SPAG16: variants seen among roughly 807,000 people sequenced by gnomAD.
The protein encoded by SPAG16 is sperm-associated antigen 16 protein.
In SPAG16, 86 loss-of-function variants were observed where a neutral mutation model predicts 80.4. The observed-to-expected ratio is 1.07, with a 90% CI of 0.90 to 1.28. SPAG16 has a LOEUF of 1.28. SPAG16 is among the 50% of genes most tolerant of loss of function. SPAG16 has a pLI of 0.00. For synonymous variants in SPAG16, 294 were observed against 265.9 expected, an observed-to-expected ratio of 1.11 and a Z score of -1.03; for missense variants, 870 against 765.3, an observed-to-expected ratio of 1.14 and a Z score of -1.61.
intron 9 of SPAG16, among the ~76,000 whole-genome samples, chr2:213,437,463 ATCC>A (rs1308942217): frequency 2.0e-5 from 3 of 152,208 alleles, no homozygotes; most frequent in Non-Finnish European, 2.9e-5. Context: ...TACTAATAAA[ATCC>A]TCCTGCATTT....
At chr2:214,285,119 T>A (rs934708218) in intron 15 of SPAG16, among the ~76,000 whole-genome samples, 1 of 152,178 alleles carries the variant, frequency 6.6e-6, no homozygotes, top group African/African-American at 2.4e-5. Context: ...TCTTTCCTCA[T>A]ATTCTTGCCA....
intron 10 of SPAG16, among the ~76,000 whole-genome samples, chr2:213,745,335 C>T (rs550258689): frequency 1.3e-5 from 2 of 152,166 alleles, no homozygotes; most frequent in East Asian, 1.9e-4. Context: ...CTCTGCCTCC[C>T]GGGTTCAAGC....
At chr2:214,238,077 G>T in intron 15 of SPAG16, 2 of 304,042 alleles carry the variant, frequency 6.6e-6, no homozygotes, top group South Asian at 5.6e-5. Flanking sequence ...TTAGCATCAA[G>T]AATATTTTTT....
intron 11 of SPAG16, among the ~76,000 whole-genome samples, chr2:213,898,314 TCTTATTTACTTAATCTTGTAAAA>T (rs1366501745): frequency 1.3e-5 from 2 of 152,184 alleles, no homozygotes; most frequent in Admixed American, 6.6e-5. Flanking sequence ...ACCTAAAATA[TCTTATTTACTTAATCTTGTAAAA>T]CTTTGGGTAA....
At chr2:213,712,254 CT>C (rs1191425568) in intron 10 of SPAG16, among the ~76,000 whole-genome samples, 13 of 152,248 alleles carry the variant, frequency 8.5e-5, no homozygotes, top group African/African-American at 3.1e-4. Flanking sequence ...TGCATTTTCA[CT>C]CATTTATTAT....
intron 15 of SPAG16, among the ~76,000 whole-genome samples, chr2:214,346,188 C>A (rs1336308887): frequency 1.3e-5 from 2 of 152,148 alleles, no homozygotes; most frequent in Non-Finnish European, 2.9e-5. Flanking sequence ...ACAGTTTTGT[C>A]AGTCTTGTAA....
At position 213,831,383 on chromosome 2, in the gene SPAG16, C is replaced by A. The variant is rs141111992; in HGVS notation, c.1071-31102C>A. On this transcript the variant is annotated intron_variant, in intron 10 of 15. Coordinates refer to ENST00000331683, the MANE Select transcript of SPAG16 (RefSeq NM_024532.5). ...TGATTGCAGCTGATATTTCTCCCTG[C>A]CAAAATGCTTTTCAATTCATAATTC... Among the ~76,000 whole-genome samples, 16 of 149,754 alleles carry A rather than the reference C, an allele frequency of 1.1e-4. No individual in the cohort carries two copies. The East Asian group carries it at 3.2e-3, about 30-fold the overall frequency.
chr2:213,926,975 A>G (rs2078508274), intron 11 of SPAG16, among the ~76,000 whole-genome samples: 1 of 152,196 alleles, frequency 6.6e-6, no homozygotes, highest in South Asian at 2.1e-4. Context: ...GGGTAGCTCA[A>G]ATAACAGAAA....
intron 15 of SPAG16, among the ~76,000 whole-genome samples, chr2:214,184,612 T>C (rs2057412018): frequency 6.6e-6 from 1 of 152,078 alleles, no homozygotes; most frequent in Admixed American, 6.6e-5. Context: ...GCAAACAGTT[T>C]CAGGGCCAAA....
At chr2:214,190,138 A>G (rs891657210) in intron 15 of SPAG16, among the ~76,000 whole-genome samples, 1 of 152,116 alleles carries the variant, frequency 6.6e-6, no homozygotes, top group Admixed American at 6.6e-5. Context: ...CTACACAGTC[A>G]TACTACAATG....
intron 13 of SPAG16, among the ~76,000 whole-genome samples, chr2:214,107,512 G>A (rs1468236279): frequency 6.6e-6 from 1 of 152,114 alleles, no homozygotes; most frequent in African/African-American, 2.4e-5. Flanking sequence ...CCCACATTTA[G>A]ATATTTAGAT....
At chr2:213,300,619 G>T (rs1427028600) in intron 3 of SPAG16, among the ~76,000 whole-genome samples, 4 of 152,128 alleles carry the variant, frequency 2.6e-5, no homozygotes, top group Admixed American at 2.6e-4. Context: ...TTGTAACAGT[G>T]TCACTCTTCT....
chr2:213,832,182 G>T (rs761800350), intron 10 of SPAG16, among the ~76,000 whole-genome samples: 4 of 151,734 alleles, frequency 2.6e-5, no homozygotes, highest in Non-Finnish European at 5.9e-5. Context: ...ATTTTTAGTA[G>T]AGATGGGGTT....
intron 7 of SPAG16, among the ~76,000 whole-genome samples, chr2:213,354,809 A>G (rs2065536889): frequency 6.6e-6 from 1 of 152,148 alleles, no homozygotes; most frequent in African/African-American, 2.4e-5. Context: ...CCCATTGTGT[A>G]GGTTACCTGT....
rs1274294735 is a variant in SPAG16 at position 213,833,580 on chromosome 2, A to ATT, written c.1071-28904_1071-28903insTT. 1.1e-4 allele frequency among the ~76,000 whole-genome samples: 6 copies of ATT among 55,476 alleles called. 2 individuals carry two copies. Among genetic ancestry groups the ATT allele is most frequent in the African/African-American group, 4.3e-4 (5 of 11,756 alleles). The allele number at this position is 55,476 out of a possible 152,430, so 36.4% of individuals were successfully genotyped here. ...ATAATATATATAATATATATATAAT[A>ATT]TATATATTATATATATATAAAATCT... is the stretch of plus-strand genomic sequence containing the variant. On this transcript the variant is annotated intron_variant, in intron 10 of 15. Transcript: ENST00000331683.
At chr2:213,833,489 TATATA>T (rs1448555163) in intron 10 of SPAG16, among the ~76,000 whole-genome samples, 5 of 1,596 alleles carry the variant, frequency 3.1e-3, no homozygotes, top group Non-Finnish European at 0.017. Flanking sequence ...ATATATATTA[TATATA>T]ATATATATAT....
At chr2:214,382,374 T>A (rs1441863616) in intron 15 of SPAG16, among the ~76,000 whole-genome samples, 2 of 152,238 alleles carry the variant, frequency 1.3e-5, no homozygotes, top group African/African-American at 4.8e-5. Context: ...ACATATTTGT[T>A]GCAAAATAGA....
intron 11 of SPAG16, among the ~76,000 whole-genome samples, chr2:213,873,419 A>G (rs957700179): frequency 6.6e-5 from 10 of 151,874 alleles, no homozygotes; most frequent in Non-Finnish European, 1.3e-4. Flanking sequence ...CAGTAGAGCT[A>G]AAGTCAATTT....
intron 10 of SPAG16, among the ~76,000 whole-genome samples, chr2:213,641,593 G>A (rs1438449796): frequency 6.6e-6 from 1 of 152,202 alleles, no homozygotes; most frequent in Non-Finnish European, 1.5e-5. Flanking sequence ...CTTCCTTGGG[G>A]TTCCCTGAAG....
Sources: allele counts gnomAD v4.1 joint callset (sites outside exome capture counted in the v4.1 genomes callset), GRCh38; gene constraint gnomAD v4.1.1; transcripts MANE v1.5; gene names NCBI Gene and HGNC (gene_info 2026-07-23, HGNC 2026-07-21).